AUTS2: variants seen among roughly 807,000 people sequenced by gnomAD.
The protein encoded by AUTS2 is autism susceptibility gene 2 protein.
A neutral mutation model predicts 112.4 loss-of-function variants in AUTS2; 17 were observed. The ratio of observed to expected loss-of-function variants is 0.15; its 90% CI spans 0.10 to 0.23. The LOEUF is 0.23. Ranked by LOEUF, AUTS2 falls within the 10% of genes least tolerant of loss-of-function variation. The pLI, the probability that AUTS2 is intolerant of heterozygous loss-of-function variation, is 1.00. For synonymous variants in AUTS2, 751 were observed against 702.7 expected, an observed-to-expected ratio of 1.07 and a Z score of -1.09; for missense variants, 1,510 against 1,701.6, an observed-to-expected ratio of 0.89 and a Z score of 1.98.
At chr7:70,132,783 G>A (rs1806347387) in intron 3 of AUTS2, among the ~76,000 whole-genome samples, 1 of 152,166 alleles carries the variant, frequency 6.6e-6, no homozygotes, top group Admixed American at 6.5e-5. Context: ...AGGGAAGTGG[G>A]TTTGGTGGGA....
chr7:69,763,590 G>A (rs1267411279), intron 1 of AUTS2, among the ~76,000 whole-genome samples: 2 of 152,112 alleles, frequency 1.3e-5, no homozygotes, highest in Non-Finnish European at 2.9e-5. Context: ...GAGACTGTGG[G>A]TTTTTATCCT....
chr7:69,971,479 TG>T (rs1405984964), intron 2 of AUTS2, among the ~76,000 whole-genome samples: 4 of 152,186 alleles, frequency 2.6e-5, no homozygotes, highest in African/African-American at 9.7e-5. Context: ...GTTTCCTCAA[TG>T]GTAACATATT....
intron 5 of AUTS2, among the ~76,000 whole-genome samples, chr7:70,529,885 A>G (rs1431946277): frequency 6.6e-6 from 1 of 152,250 alleles, no homozygotes; most frequent in Non-Finnish European, 1.5e-5. Flanking sequence ...TAAATATCAG[A>G]AAGGATAGCT....
intron 1 of AUTS2, among the ~76,000 whole-genome samples, chr7:69,704,578 C>A (rs1797973503): frequency 6.6e-6 from 1 of 152,136 alleles, no homozygotes; most frequent in Admixed American, 6.5e-5. Context: ...CTCTAAAATA[C>A]CATTATAGCC....
chr7:69,880,121 G>C (rs1362593601), intron 1 of AUTS2, among the ~76,000 whole-genome samples: 1 of 152,192 alleles, frequency 6.6e-6, no homozygotes, highest in Non-Finnish European at 1.5e-5. Context: ...CATGGTGGAA[G>C]GTGAAGGGGA....
At chr7:70,141,322 A>G (rs762018289) in intron 4 of AUTS2, among the ~76,000 whole-genome samples, 12 of 152,128 alleles carry the variant, frequency 7.9e-5, no homozygotes, top group Non-Finnish European at 1.5e-4. Context: ...GTAGAGAAGG[A>G]CGTCAAGTAA....
intron 4 of AUTS2, among the ~76,000 whole-genome samples, chr7:70,311,358 G>A (rs370548267): frequency 6.6e-6 from 1 of 152,046 alleles, no homozygotes; most frequent in Non-Finnish European, 1.5e-5. Context: ...TAATAATGTC[G>A]TGTCCCCTTT....
intron 5 of AUTS2, among the ~76,000 whole-genome samples, chr7:70,443,150 A>G (rs1796188515): frequency 6.6e-6 from 1 of 152,232 alleles, no homozygotes; most frequent in Non-Finnish European, 1.5e-5. Flanking sequence ...TTTTCAATTA[A>G]ATATAGGTAA....
intron 4 of AUTS2, among the ~76,000 whole-genome samples, chr7:70,388,789 A>G (rs1041699805): frequency 6.6e-6 from 1 of 152,242 alleles, no homozygotes; most frequent in Non-Finnish European, 1.5e-5. Context: ...TTAGGGGCAG[A>G]CCTGGACAAG....
chr7:70,741,563 T>A (rs1331369448), intron 6 of AUTS2, among the ~76,000 whole-genome samples: 3 of 151,774 alleles, frequency 2.0e-5, no homozygotes, highest in Non-Finnish European at 4.4e-5. Context: ...TGGTGGCACA[T>A]GCCTGTAATC....
At chr7:70,289,962 A>C (rs1260900705) in intron 4 of AUTS2, among the ~76,000 whole-genome samples, 3 of 152,222 alleles carry the variant, frequency 2.0e-5, no homozygotes, top group Admixed American at 6.5e-5. Flanking sequence ...ATGTGATCCC[A>C]CAGAATGCTT....
intron 2 of AUTS2, among the ~76,000 whole-genome samples, chr7:70,063,874 G>C (rs1451706375): frequency 6.6e-6 from 1 of 152,146 alleles, no homozygotes; most frequent in Non-Finnish European, 1.5e-5. Context: ...CAATGGTTTG[G>C]ATGGCATCTC....
intron 13 of AUTS2, among the ~76,000 whole-genome samples, chr7:70,776,238 T>A (rs1790678793): frequency 6.6e-6 from 1 of 152,240 alleles, no homozygotes; most frequent in South Asian, 2.1e-4. Context: ...CTGTGTTTTC[T>A]TCTCATCTGT....
intron 1 of AUTS2, among the ~76,000 whole-genome samples, chr7:69,775,945 C>T (rs1217635889): frequency 2.0e-5 from 3 of 152,088 alleles, no homozygotes; most frequent in Non-Finnish European, 4.4e-5. Context: ...GGAGACCTCC[C>T]CCACCCCACT....
intron 5 of AUTS2, among the ~76,000 whole-genome samples, chr7:70,641,278 G>A (rs1042420237): frequency 3.3e-5 from 5 of 152,124 alleles, no homozygotes; most frequent in Admixed American, 6.5e-5. Flanking sequence ...CGCCAGGCGC[G>A]GTGGCTCATG....
At chr7:70,356,904 AG>A (rs1374545374) in intron 4 of AUTS2, among the ~76,000 whole-genome samples, 1 of 152,184 alleles carries the variant, frequency 6.6e-6, no homozygotes, top group Non-Finnish European at 1.5e-5. Flanking sequence ...CCAGTTCCTT[AG>A]TAGAATTTCA....
At chr7:70,251,095 C>T (rs889610281) in intron 4 of AUTS2, among the ~76,000 whole-genome samples, 3 of 151,754 alleles carry the variant, frequency 2.0e-5, no homozygotes, top group African/African-American at 7.3e-5. Flanking sequence ...GACGGAGTCT[C>T]ACTCTGTCGC....
intron 2 of AUTS2, among the ~76,000 whole-genome samples, chr7:69,953,233 C>T (rs1485584970): frequency 1.3e-5 from 2 of 152,118 alleles, no homozygotes; most frequent in African/African-American, 2.4e-5. Flanking sequence ...ACACTAGACA[C>T]GCCTGATGCC....
chr7:70,637,174 G>A (rs1384235809), intron 5 of AUTS2, among the ~76,000 whole-genome samples: 1 of 152,152 alleles, frequency 6.6e-6, no homozygotes, highest in Non-Finnish European at 1.5e-5. Flanking sequence ...GTTTCACTGG[G>A]AGTCCATGTT....
Sources: allele counts gnomAD v4.1 joint callset (sites outside exome capture counted in the v4.1 genomes callset), GRCh38; gene constraint gnomAD v4.1.1; transcripts MANE v1.5; gene names NCBI Gene and HGNC (gene_info 2026-07-23, HGNC 2026-07-21).